The following FYB2 variants were observed in gnomAD, a reference collection of about 807,000 sequenced individuals.
FYB2 encodes the protein FYN binding protein 2.
In FYB2, 103 loss-of-function variants were observed where a neutral mutation model predicts 94.1. The observed-to-expected ratio is 1.09, with a 90% CI of 0.93 to 1.29. The LOEUF (loss-of-function observed/expected upper bound fraction) is 1.29. FYB2 is among the 50% of genes most tolerant of loss of function. The probability of loss-of-function intolerance (pLI) is 0.00; values close to 1 mark genes in which losing one functional copy is unlikely to be tolerated. For synonymous variants in FYB2, 293 were observed against 287.9 expected, an observed-to-expected ratio of 1.02 and a Z score of -0.18; for missense variants, 896 against 841.5, an observed-to-expected ratio of 1.06 and a Z score of -0.80.
At chr1:56,809,519 C>G (rs1646718706) in intron 1 of FYB2, among the ~76,000 whole-genome samples, 1 of 152,150 alleles carries the variant, frequency 6.6e-6, no homozygotes, top group Non-Finnish European at 1.5e-5. Context: ...CTTTTGCACA[C>G]ATGTCACTCT....
At chr1:56,760,573 T>C (rs1645468190) in intron 5 of FYB2, among the ~76,000 whole-genome samples, 1 of 152,194 alleles carries the variant, frequency 6.6e-6, no homozygotes. Context: ...ATGAATTTGC[T>C]TTCCAATTTT....
chr1:56,766,889 G>A (rs1166114071), intron 5 of FYB2, among the ~76,000 whole-genome samples: 2 of 152,158 alleles, frequency 1.3e-5, no homozygotes, highest in Non-Finnish European at 2.9e-5. Context: ...TTTTAGCCCT[G>A]CTTTCAGGGA....
chr1:56,810,395 C>T (rs968316841), intron 1 of FYB2, among the ~76,000 whole-genome samples: 46 of 143,150 alleles, frequency 3.2e-4, no homozygotes, highest in African/African-American at 1.2e-3. Context: ...CTTCCCCTCA[C>T]TCCCCTGTTT....
intron 1 of FYB2, among the ~76,000 whole-genome samples, chr1:56,811,614 C>A (rs1036476482): frequency 6.6e-6 from 1 of 152,216 alleles, no homozygotes; most frequent in East Asian, 1.9e-4. Context: ...GTACCACAGA[C>A]TATGTGGCTC....
At chr1:56,799,750 C>T (rs965501046) in intron 1 of FYB2, among the ~76,000 whole-genome samples, 7 of 152,094 alleles carry the variant, frequency 4.6e-5, no homozygotes, top group Non-Finnish European at 1.5e-5. Flanking sequence ...GTTATTTCAT[C>T]CTCTCCTGAG....
rs1160862123 is a variant in FYB2, at chr1:56,720,167, A to G, written c.2131+6T>C. 2.5e-6 allele frequency: 4 copies of G among 1,602,284 alleles called. No homozygotes were observed. Among genetic ancestry groups the G allele is most frequent in the East Asian group, 4.5e-5 (2 of 44,600 alleles). ...AATATTATGAAAGATAAGCAAATAA[A>G]CTTACATTTGCCTTTAGAATTACGA... On this transcript the variant is annotated splice_donor_region_variant and intron_variant, in intron 18 of 19. Coordinates refer to ENST00000343433, the MANE Select transcript of FYB2 (RefSeq NM_001004303.5).
At position 56,772,874 on chromosome 1, in the gene FYB2, A is replaced by G. The variant is rs1645792481; in HGVS notation, c.954-4936T>C. 2.0e-5 allele frequency among the ~76,000 whole-genome samples: 3 copies of G among 152,200 alleles called. No individual in the cohort carries two copies. The South Asian group carries it at 6.2e-4, about 31-fold the overall frequency. On this transcript the variant is annotated intron_variant, in intron 4 of 19. Transcript: ENST00000343433. ...TATTAGTGTATTAGAGGACAGAAAT[A>G]TTGTATTTTAAAATAAGTTTTGAGG...
intron 15 of FYB2, among the ~76,000 whole-genome samples, chr1:56,734,483 A>C (rs925531379): frequency 5.3e-5 from 8 of 152,260 alleles, no homozygotes; most frequent in Middle Eastern, 3.4e-3. Flanking sequence ...CTATGCAACC[A>C]TAAAAAGGAT....
chr1:56,772,918 T>C (rs1055532766), intron 4 of FYB2, among the ~76,000 whole-genome samples: 1 of 152,198 alleles, frequency 6.6e-6, no homozygotes, highest in African/African-American at 2.4e-5. Context: ...TTGTAAAATT[T>C]TTTATTAGTG....
intron 1 of FYB2, among the ~76,000 whole-genome samples, chr1:56,809,337 T>C (rs1349785226): frequency 6.6e-6 from 1 of 151,836 alleles, no homozygotes; most frequent in Non-Finnish European, 1.5e-5. Flanking sequence ...ACAGCTATTT[T>C]CCTCTTCTCT....
At chr1:56,765,432 C>T (rs1471235210) in intron 5 of FYB2, among the ~76,000 whole-genome samples, 1 of 152,208 alleles carries the variant, frequency 6.6e-6, no homozygotes, top group African/African-American at 2.4e-5. Context: ...CCTACTTGAC[C>T]TTCTCTGACA....
chr1:56,777,300 A>G (rs7526708), intron 4 of FYB2, among the ~76,000 whole-genome samples: 9,440 of 113,158 alleles, frequency 0.083, 3,270 homozygotes, highest in East Asian at 0.38. Context: ...AGAGATATCA[A>G]ATAACTTTCC....
chr1:56,820,151 T>C (rs1570279915), upstream of FYB2, among the ~76,000 whole-genome samples: 1 of 150,040 alleles, frequency 6.7e-6, no homozygotes, highest in Admixed American at 6.7e-5. Flanking sequence ...GAATTGCTTG[T>C]ACCTGGGAGG....
chr1:56,719,769 T>A, intron 19 of FYB2, 77 bp from the exon 20 acceptor site: 1 of 1,313,268 alleles, frequency 7.6e-7, no homozygotes, highest in Non-Finnish European at 1.1e-6. Context: ...TTCTAGGGAA[T>A]TTCTGATCTA....
intron 5 of FYB2, chr1:56,762,023 A>T (rs1288858954): frequency 6.6e-6 from 1 of 152,082 alleles, no homozygotes; most frequent in African/African-American, 2.4e-5. Flanking sequence ...TGTTAAAAAA[A>T]ATAACAACAA....
intron 1 of FYB2, among the ~76,000 whole-genome samples, chr1:56,810,340 C>T (rs1271336736): frequency 6.6e-6 from 1 of 151,944 alleles, no homozygotes; most frequent in Non-Finnish European, 1.5e-5. Context: ...CAGTCTGTAC[C>T]CCTTGGCTCT....
intron 16 of FYB2, 31 bp from the exon 17 acceptor site, chr1:56,723,712 G>T (rs372097308): frequency 7.8e-7 from 1 of 1,279,290 alleles, no homozygotes; most frequent in South Asian, 1.3e-5. Context: ...AGGGTAAAAC[G>T]TACTATAATA....
chr1:56,763,307 T>G (rs895093632), intron 5 of FYB2, among the ~76,000 whole-genome samples: 3 of 152,318 alleles, frequency 2.0e-5, no homozygotes, highest in Non-Finnish European at 4.4e-5. Flanking sequence ...CCTCCATTTT[T>G]GGGAAAGATT....
intron 2 of FYB2, among the ~76,000 whole-genome samples, chr1:56,790,818 T>C (rs899610619): frequency 2.6e-5 from 4 of 152,294 alleles, no homozygotes; most frequent in African/African-American, 2.4e-5. Context: ...GTACACTTTA[T>C]AGAGAGAGGT....
Sources: allele counts gnomAD v4.1 joint callset (sites outside exome capture counted in the v4.1 genomes callset), GRCh38; gene constraint gnomAD v4.1.1; transcripts MANE v1.5; gene names NCBI Gene and HGNC (gene_info 2026-07-23, HGNC 2026-07-21).